Variants in ZNF679 observed in about 807,000 individuals in gnomAD.
The protein encoded by ZNF679 is hypothetical protein MGC42415.
Under a neutral mutation model 13.4 loss-of-function variants are expected in ZNF679, and 10 were observed. The observed-to-expected ratio is 0.75, with a 90% CI of 0.46 to 1.27. The LOEUF is 1.27. Ranked by LOEUF, ZNF679 falls within the 50% of genes most tolerant of loss-of-function variation. ZNF679 has a pLI of 0.00. For synonymous variants in ZNF679, 179 were observed against 162.5 expected, an observed-to-expected ratio of 1.10 and a Z score of -0.77; for missense variants, 525 against 477.8, an observed-to-expected ratio of 1.10 and a Z score of -0.92.
At chr7:64,255,724 T>G (rs1787996977) in intron 2 of ZNF679, among the ~76,000 whole-genome samples, 1 of 151,972 alleles carries the variant, frequency 6.6e-6, no homozygotes, top group African/African-American at 2.4e-5. Context: ...CTCTCCCGCC[T>G]CAGCCTCCTG....
intron 1 of ZNF679, among the ~76,000 whole-genome samples, chr7:64,241,272 A>G (rs866754134): frequency 1.3e-5 from 2 of 152,126 alleles, no homozygotes; most frequent in African/African-American, 4.8e-5. Flanking sequence ...ATCTTCAGGT[A>G]TGAGTCATCA....
At chr7:64,260,412 TG>T in intron 3 of ZNF679, 65 bp downstream of exon 3, 1 of 1,475,810 alleles carries the variant, frequency 6.8e-7, no homozygotes, top group South Asian at 1.3e-5. Context: ...AAATGTTTTT[TG>T]GTAATTTCTG....
At chr7:64,255,120 G>A (rs1275571854) in intron 2 of ZNF679, among the ~76,000 whole-genome samples, 2 of 152,024 alleles carry the variant, frequency 1.3e-5, no homozygotes, top group South Asian at 4.2e-4. Context: ...GTCTGGTAAG[G>A]TGAGGCTCTG....
intron 1 of ZNF679, among the ~76,000 whole-genome samples, chr7:64,248,322 G>C (rs546167937): frequency 1.3e-5 from 2 of 150,146 alleles, no homozygotes; most frequent in Non-Finnish European, 3.0e-5. Context: ...TGGCTCTTTC[G>C]CCCAGGCTGC....
intron 1 of ZNF679, among the ~76,000 whole-genome samples, chr7:64,246,840 G>A (rs560971683): frequency 6.6e-6 from 1 of 152,254 alleles, no homozygotes; most frequent in Non-Finnish European, 1.5e-5. Context: ...AAATTTATTA[G>A]GAAAGTAAAG....
chr7:64,241,126 G>A (rs1787793007), intron 1 of ZNF679, among the ~76,000 whole-genome samples: 1 of 152,110 alleles, frequency 6.6e-6, no homozygotes, highest in Non-Finnish European at 1.5e-5. Flanking sequence ...TGTGTGCTGG[G>A]CTCTATTATG....
At chr7:64,245,021 C>A (rs1025199596) in intron 1 of ZNF679, among the ~76,000 whole-genome samples, 15 of 151,904 alleles carry the variant, frequency 9.9e-5, no homozygotes, top group African/African-American at 2.4e-4. Context: ...GGGACTTCTT[C>A]TTTCTTTGTT....
rs764887496 is a variant in ZNF679 at position 64,245,316 on chromosome 7, A to G, written c.-90-3712A>G. 5.6e-4 allele frequency among the ~76,000 whole-genome samples: 85 copies of G among 152,092 alleles called. 2 individuals carry two copies. Among genetic ancestry groups the G allele is most frequent in the Non-Finnish European group, 2.5e-4 (17 of 67,974 alleles). On this transcript the variant is annotated intron_variant, in intron 1 of 4. Coordinates refer to ENST00000421025, the MANE Select transcript of ZNF679 (RefSeq NM_153363.3). ...TCTAGGATTACAAGCATGAGTCACC[A>G]TGCCCGGCCTGTTTCAGGGACTTCT...
intron 2 of ZNF679, among the ~76,000 whole-genome samples, chr7:64,255,313 C>T (rs1213785070): frequency 6.6e-6 from 1 of 152,210 alleles, no homozygotes; most frequent in South Asian, 2.1e-4. Flanking sequence ...CGTCCACACC[C>T]CTCCCAGGAC....
intron 1 of ZNF679, among the ~76,000 whole-genome samples, chr7:64,235,355 C>T (rs1181737755): frequency 1.3e-5 from 2 of 150,480 alleles, no homozygotes; most frequent in Admixed American, 6.6e-5. Flanking sequence ...AAGACAAACC[C>T]ACAAAACAGT....
chr7:64,260,456 G>T (rs983735648), intron 3 of ZNF679, 109 bp downstream of exon 3: 2 of 1,484,736 alleles, frequency 1.3e-6, no homozygotes, highest in African/African-American at 2.9e-5. Flanking sequence ...TCTCTGATTT[G>T]AAGAAAATCT....
intron 4 of ZNF679, among the ~76,000 whole-genome samples, chr7:64,263,006 T>G (rs879914000): frequency 6.6e-6 from 1 of 151,942 alleles, no homozygotes; most frequent in Non-Finnish European, 1.5e-5. Context: ...TTTATTTCCA[T>G]GTATTTTTGA....
chr7:64,239,379 TTGACTCTTAC>T, intron 1 of ZNF679, among the ~76,000 whole-genome samples: 2 of 152,312 alleles, frequency 1.3e-5, no homozygotes, highest in South Asian at 4.1e-4. Context: ...TCAGGAGTTG[TTGACTCTTAC>T]ACCTGGAGTG....
Position 64,266,311 on chromosome 7 carries a change from C to A in ZNF679, c.678C>A (p.Thr226=). 1 of 1,610,960 alleles carries A rather than the reference C, an allele frequency of 6.2e-7. No homozygotes were observed. The highest frequency in any genetic ancestry group is 2.2e-5 in the East Asian group (1 of 44,624). The change falls in exon 5 of 5, where the codon ACC becomes ACA. Residue 226 remains threonine, a synonymous_variant. Coordinates refer to ENST00000421025, the MANE Select transcript of ZNF679 (RefSeq NM_153363.3). The part of the protein sequence containing the change: ...ECGKPFNCSS[T]LSKHKRIHTG... ...GCAAACCCTTCAACTGCTCTTCAAC[C>A]CTTTCTAAACATAAAAGAATTCATA...
chr7:64,240,113 A>T (rs1231676953), intron 1 of ZNF679, among the ~76,000 whole-genome samples: 1 of 152,176 alleles, frequency 6.6e-6, no homozygotes, highest in Admixed American at 6.5e-5. Context: ...ATTGTGATAT[A>T]TATTGCTTGG....
At chr7:64,255,557 T>C (rs1787994809) in intron 2 of ZNF679, among the ~76,000 whole-genome samples, 2 of 151,864 alleles carry the variant, frequency 1.3e-5, no homozygotes, top group Admixed American at 6.6e-5. Flanking sequence ...GACCTCTGTC[T>C]GTAGTACAAA....
At chr7:64,245,421 A>AAGAGAGAGAGAG (rs372896063) in intron 1 of ZNF679, among the ~76,000 whole-genome samples, 4 of 81,312 alleles carry the variant, frequency 4.9e-5, no homozygotes, top group African/African-American at 3.1e-4. Context: ...GAGAGAGAGA[A>AAGAGAGAGAGAG]AGAGAGAGAG....
At chr7:64,243,947 G>A (rs1305338601) in intron 1 of ZNF679, among the ~76,000 whole-genome samples, 1 of 152,084 alleles carries the variant, frequency 6.6e-6, no homozygotes, top group Non-Finnish European at 1.5e-5. Context: ...TTGAATATCT[G>A]CAATTAATTA....
chr7:64,234,898 C>T (rs575657883), intron 1 of ZNF679, among the ~76,000 whole-genome samples: 1 of 152,232 alleles, frequency 6.6e-6, no homozygotes, highest in Admixed American at 6.5e-5. Context: ...GGTGCTATGG[C>T]ACAATCTCAG....
Sources: allele counts gnomAD v4.1 joint callset (sites outside exome capture counted in the v4.1 genomes callset), GRCh38; gene constraint gnomAD v4.1.1; transcripts MANE v1.5; gene names NCBI Gene and HGNC (gene_info 2026-07-23, HGNC 2026-07-21).